SH2D3C: variants seen among roughly 807,000 people sequenced by gnomAD.
SH2D3C encodes SH2 domain containing 3C.
In SH2D3C, 25 loss-of-function variants were observed where a neutral mutation model predicts 75.2. That is an observed-to-expected ratio of 0.33 (90% CI 0.24 to 0.46). The LOEUF (loss-of-function observed/expected upper bound fraction) is 0.46, where lower values mean the gene tolerates loss of function less well. Ranked by LOEUF, SH2D3C falls within the 20% of genes least tolerant of loss-of-function variation. The pLI, the probability that SH2D3C is intolerant of heterozygous loss-of-function variation, is 1.00. For synonymous variants in SH2D3C, 450 were observed against 473.7 expected, an observed-to-expected ratio of 0.95 and a Z score of 0.65; for missense variants, 933 against 1,165.3, an observed-to-expected ratio of 0.80 and a Z score of 2.90.
At chr9:127,764,341 C>T (rs1359614640) in intron 2 of SH2D3C, among the ~76,000 whole-genome samples, 1 of 152,190 alleles carries the variant, frequency 6.6e-6, no homozygotes, top group South Asian at 2.1e-4. Flanking sequence ...CAGTTACAAT[C>T]CGCTGCCATC....
chr9:127,761,461 C>T (rs1845523004), intron 3 of SH2D3C, 150 bp downstream of exon 3: 1 of 577,624 alleles, frequency 1.7e-6, no homozygotes, highest in East Asian at 3.1e-5. Flanking sequence ...GATCCAAATG[C>T]TGCCTCGACT....
At chr9:127,767,853 TCA>T (rs1312638951) in intron 2 of SH2D3C, among the ~76,000 whole-genome samples, 1 of 152,168 alleles carries the variant, frequency 6.6e-6, no homozygotes, top group Non-Finnish European at 1.5e-5. Flanking sequence ...TGGCTCAAGG[TCA>T]CACAGTCAGT....
chr9:127,750,326 C>T (rs779050920), intron 4 of SH2D3C, among the ~76,000 whole-genome samples: 4 of 151,900 alleles, frequency 2.6e-5, no homozygotes, highest in African/African-American at 9.7e-5. Context: ...GGCTAATTTT[C>T]GTATTTTTAG....
intron 8 of SH2D3C, among the ~76,000 whole-genome samples, chr9:127,742,298 G>A (rs1844886763): frequency 6.6e-6 from 1 of 152,172 alleles, no homozygotes; most frequent in Admixed American, 6.5e-5. Flanking sequence ...GTGCAATGGC[G>A]CGATCCCTGC....
intron 2 of SH2D3C, among the ~76,000 whole-genome samples, chr9:127,766,262 G>A (rs1294541539): frequency 1.3e-5 from 2 of 151,324 alleles, no homozygotes; most frequent in African/African-American, 2.5e-5. Flanking sequence ...CTTGAGGCCT[G>A]GACATACGTC....
chr9:127,755,399 GC>G lies in SH2D3C; in HGVS notation c.556-4100del, dbSNP rs955136855. ...GCCCGCCCCCCGCTCCCAGCCCCTCGCCCCCCGCCCTCCAGTTCCGCGCGCT... is the reference window on the plus strand; with the variant it reads ...GCCCGCCCCCCGCTCCCAGCCCCTCGCCCCCGCCCTCCAGTTCCGCGCGCT... On this transcript the variant is annotated intron_variant, in intron 3 of 11. Coordinates refer to ENST00000314830, the MANE Select transcript of SH2D3C (RefSeq NM_170600.3). 2.3e-5 allele frequency: 7 copies of G among 308,764 alleles called. No individual in the cohort carries two copies. The Admixed American group carries it at 3.7e-4, about 16-fold the overall frequency. 19.1% of individuals were successfully genotyped at this position (308,764 alleles called of 1,614,324 possible).
rs922135394 is a variant in SH2D3C at position 127,755,030 on chromosome 9, C to CG, written c.556-3731dup. The stretch of plus-strand genomic sequence containing the variant: ...GCTCTAGGGCCCCGGGCGGAGCGGC[C>CG]GGGGGTCCCAGCCCGGCGCGCGTGG... On this transcript the variant is annotated intron_variant, in intron 3 of 11. Transcript: ENST00000314830. 59 of 951,876 alleles carry CG rather than the reference C, an allele frequency of 6.2e-5. No individual in the cohort carries two copies. The East Asian group carries it at 1.2e-3, about 20-fold the overall frequency. 59.0% of individuals were successfully genotyped at this position (951,876 alleles called of 1,614,324 possible).
Position 127,745,455 on chromosome 9 carries a change from CTTTTTTT to C in SH2D3C, c.1265-363_1265-357del, listed in dbSNP as rs1190107937. Among the ~76,000 whole-genome samples the C allele has an allele frequency of 2.8e-3, 308 of 109,542 alleles. 4 individuals are homozygous for C. The East Asian group carries it at 0.05, about 18-fold the overall frequency. The allele number at this position is 109,542 out of a possible 152,430, so 71.9% of individuals were successfully genotyped here. On this transcript the variant is annotated intron_variant, in intron 6 of 11. Transcript: ENST00000314830. ...TCGACGAATTAGCAATAATGATTTC[CTTTTTTT>C]TTTTTTTTTTTTTTTTTTTGAGTCA...
At chr9:127,747,492 C>T (rs1054770622) in intron 5 of SH2D3C, among the ~76,000 whole-genome samples, 3 of 152,054 alleles carry the variant, frequency 2.0e-5, no homozygotes, top group African/African-American at 2.4e-5. Context: ...GTGGCTAGAA[C>T]GCCTGGTTTC....
rs529254129 is a variant in SH2D3C, at chr9:127,743,460, G to A, written c.1801-496C>T. ...AGAGGTTGCAGTGAGCCGATATCAC[G>A]CCACTGCACTCCAGCCTCGGTGACA... On this transcript the variant is annotated intron_variant, in intron 7 of 11. Coordinates refer to ENST00000314830, the MANE Select transcript of SH2D3C (RefSeq NM_170600.3). Among the ~76,000 whole-genome samples the A allele has an allele frequency of 6.2e-4, 94 of 152,272 alleles. 3 individuals are homozygous for A. The South Asian group carries it at 0.019, about 32-fold the overall frequency.
Position 127,739,839 on chromosome 9 carries a change from G to A in SH2D3C, c.2250C>T (p.Ile750=), listed in dbSNP as rs968807435. The change falls in exon 11 of 12, where the codon ATC becomes ATT. Residue 750 remains isoleucine (I), a synonymous_variant. Transcript: ENST00000314830. The surrounding 1 kb of genome is among the most constrained non-coding windows in gnomAD (Gnocchi z 4.3). ...GGGCCGAGTCACACTCCAGCAGGGTGATGAGGGGCAGCACATGAGGAAACG... is the reference window on the plus strand; with the variant it reads ...GGGCCGAGTCACACTCCAGCAGGGTAATGAGGGGCAGCACATGAGGAAACG... The part of the protein sequence containing the change: ...NTTFPHVLPL[I]TLLECDSAPP... 1 of 1,575,830 alleles carries A rather than the reference G, an allele frequency of 6.3e-7. No individual in the cohort carries two copies. Among genetic ancestry groups the A allele is most frequent in the Non-Finnish European group, 8.6e-7 (1 of 1,159,358 alleles).
chr9:127,744,598 G>C lies in SH2D3C; in HGVS notation c.1766C>G (p.Thr589Arg). 6.2e-7 allele frequency: 1 copy of C among 1,612,224 alleles called. No homozygotes were observed. Among genetic ancestry groups the C allele is most frequent in the African/African-American group, 1.3e-5 (1 of 75,000 alleles). Residue 589 changes from threonine (T) to arginine (R), a missense_variant, in exon 7 of 12, where the codon ACG becomes AGG. By Grantham distance (71) the Thr-to-Arg change is moderately conservative. Transcript: ENST00000314830. ...CACCTTGGTGACATGCCGGGCCAGC[G>C]TCCGGGCATCCACTTCTGCCAGCAG... ...KELLAEVDAR[T>R]LARHVTKVDC...
chr9:127,769,917 C>T (rs962183454), intron 2 of SH2D3C, among the ~76,000 whole-genome samples: 20 of 152,140 alleles, frequency 1.3e-4, no homozygotes, highest in African/African-American at 4.8e-4. Flanking sequence ...CTAGACAACA[C>T]CTGTCAGGTG....
intron 3 of SH2D3C, among the ~76,000 whole-genome samples, chr9:127,752,400 TC>T (rs1157004874): frequency 6.6e-6 from 1 of 151,776 alleles, no homozygotes; most frequent in Non-Finnish European, 1.5e-5. Flanking sequence ...TTCCTCTCCT[TC>T]CCCCACCTCC....
At chr9:127,769,669 A>G (rs902150714) in intron 2 of SH2D3C, among the ~76,000 whole-genome samples, 1 of 152,010 alleles carries the variant, frequency 6.6e-6, no homozygotes, top group Admixed American at 6.6e-5. Context: ...AAAAAAAAAA[A>G]AAAAGAAATA....
intron 2 of SH2D3C, among the ~76,000 whole-genome samples, chr9:127,767,965 G>GA (rs991347875): frequency 6.6e-6 from 1 of 152,218 alleles, no homozygotes; most frequent in African/African-American, 2.4e-5. Flanking sequence ...GGTTTGGGGG[G>GA]ATGTGGATCC....
chr9:127,749,939 G>A lies in SH2D3C; in HGVS notation c.685-274C>T, dbSNP rs1436482542. Among the ~76,000 whole-genome samples, 2 of 152,184 alleles carry A rather than the reference G, an allele frequency of 1.3e-5. No homozygotes were observed. The highest frequency in any genetic ancestry group is 3.9e-4 in the East Asian group (2 of 5,168). ...TGGAATGGGAGGCACAGAGGCCCAG[G>A]GTCTGGAGGAGTGAGAATGGCTGTG... is the stretch of plus-strand genomic sequence containing the variant. On this transcript the variant is annotated intron_variant, in intron 4 of 11. Transcript: ENST00000314830. The surrounding 1 kb of genome is among the most constrained non-coding windows in gnomAD (Gnocchi z 5.9).
Position 127,754,765 on chromosome 9 carries a change from C to T in SH2D3C, c.556-3465G>A. The T allele has an allele frequency of 2.1e-6, 1 of 468,532 alleles. No homozygotes were observed. Among genetic ancestry groups the T allele is most frequent in the Non-Finnish European group, 4.4e-6 (1 of 225,978 alleles). 29.0% of individuals were successfully genotyped at this position (468,532 alleles called of 1,614,324 possible). ...CGTACCAGGCGGAGGACCGGCAGGA[C>T]GCCGGAGACCCCATCTCCCAGTCCC... On this transcript the variant is annotated intron_variant, in intron 3 of 11. Coordinates refer to ENST00000314830, the MANE Select transcript of SH2D3C (RefSeq NM_170600.3). This position sits in a 1 kb window ranked among gnomAD's most constrained non-coding sequence, Gnocchi z 4.4.
chr9:127,742,810 G>C (rs761415023), intron 8 of SH2D3C, 39 bp downstream of exon 8: 2 of 1,519,522 alleles, frequency 1.3e-6, no homozygotes, highest in Non-Finnish European at 1.8e-6. Context: ...CGGTAGCCGG[G>C]GGTTCCCCGC....
Sources: gnomAD v4.1 joint callset for allele counts (sites outside exome capture counted in the v4.1 genomes callset) on GRCh38, gnomAD v4.1.1 for gene constraint, Gnocchi (gnomAD v3.1) non-coding constraint, MANE v1.5 for transcripts, NCBI Gene and HGNC (gene_info 2026-07-23, HGNC 2026-07-21) for gene names.